P3H2: variants seen among roughly 807,000 people sequenced by gnomAD.
The protein encoded by P3H2 is prolyl 3-hydroxylase 2, also known as leprecan-like 1.
A neutral mutation model predicts 87.0 loss-of-function variants in P3H2; 80 were observed. That is an observed-to-expected ratio of 0.92 (90% CI 0.77 to 1.11). P3H2 has a LOEUF of 1.11. P3H2 is among the 50% of genes least tolerant of loss of function. The probability of loss-of-function intolerance (pLI) is 0.00; values close to 1 mark genes in which losing one functional copy is unlikely to be tolerated. For missense variants in P3H2, 1,001 were observed against 923.9 expected, an observed-to-expected ratio of 1.08 and a Z score of -1.08; for synonymous variants, 367 against 359.3, an observed-to-expected ratio of 1.02 and a Z score of -0.24.
At chr3:190,099,995 AG>A in intron 1 of P3H2, among the ~76,000 whole-genome samples, 1 of 152,172 alleles carries the variant, frequency 6.6e-6, no homozygotes, top group Non-Finnish European at 1.5e-5. Context: ...GCACTCTGGG[AG>A]GCCGAGGTGG....
chr3:190,009,788 A>C (rs1016747668), intron 1 of P3H2, among the ~76,000 whole-genome samples: 4 of 152,068 alleles, frequency 2.6e-5, no homozygotes, highest in African/African-American at 9.7e-5. Flanking sequence ...ATTTGGAAAC[A>C]CTCCCATGAG....
intron 1 of P3H2, among the ~76,000 whole-genome samples, chr3:190,005,231 A>G (rs116100745): frequency 1.5e-3 from 234 of 152,326 alleles, no homozygotes; most frequent in African/African-American, 5.6e-3. Flanking sequence ...TTGTTTTGTG[A>G]AATGACAAAG....
chr3:190,104,423 T>C (rs1422658111), intron 1 of P3H2, among the ~76,000 whole-genome samples: 2 of 152,062 alleles, frequency 1.3e-5, no homozygotes, highest in Non-Finnish European at 2.9e-5. Flanking sequence ...AGGGAAGAAC[T>C]TCAAAGAGGA....
chr3:189,972,940 A>T lies in P3H2; in HGVS notation c.1633T>A (p.Tyr545Asn). ...TACAGAGTTGAGTTCAGCATAAAAT[A>T]AGATTCTACAATCCTTCGAGCCTTT... ...SEKARRIVES[Y>N]FMLNSTLYFS... Residue 545 changes from tyrosine to asparagine, a missense_variant, in exon 11 of 15, where the codon TAT becomes AAT. Transcript: ENST00000319332. 6.2e-7 allele frequency: 1 copy of T among 1,614,136 alleles called. No individual in the cohort carries two copies. Among genetic ancestry groups the T allele is most frequent in the Non-Finnish European group, 8.5e-7 (1 of 1,179,986 alleles).
chr3:190,120,426 G>T lies in P3H2; in HGVS notation c.306C>A (p.Gly102=), dbSNP rs769231420. ...GGAAAAGGGGCAGCTCAGCGCCGGG[G>T]CCCTCGCCGGGGGGCGGGGGCGGGA... ...HPLPPPPPGE[G]PGAELPLFRS... The change falls in exon 1 of 15, where the codon GGC becomes GGA. Residue 102 remains glycine (G), a synonymous_variant. Transcript: ENST00000319332. The T allele has an allele frequency of 4.8e-6, 7 of 1,461,856 alleles. No homozygotes were observed. Among genetic ancestry groups the T allele is most frequent in the Non-Finnish European group, 6.3e-6 (7 of 1,114,902 alleles). The allele number at this position is 1,461,856 out of a possible 1,614,324, so 90.6% of individuals were successfully genotyped here.
chr3:189,988,156 T>C (rs1008468985), intron 4 of P3H2, among the ~76,000 whole-genome samples: 2 of 152,150 alleles, frequency 1.3e-5, no homozygotes, highest in Non-Finnish European at 2.9e-5. Flanking sequence ...CTTCATAGAG[T>C]CCCAGATGTT....
chr3:190,038,555 C>A (rs1725499367), intron 1 of P3H2, among the ~76,000 whole-genome samples: 1 of 148,366 alleles, frequency 6.7e-6, no homozygotes, highest in Admixed American at 6.7e-5. Flanking sequence ...AAAATAAAAG[C>A]TGATGACTTT....
chr3:190,058,612 C>G (rs1245934431), intron 1 of P3H2, among the ~76,000 whole-genome samples: 1 of 152,088 alleles, frequency 6.6e-6, no homozygotes. Context: ...GACTTAATTG[C>G]CTTGACAGCT....
intron 1 of P3H2, among the ~76,000 whole-genome samples, chr3:190,007,085 C>T (rs968033335): frequency 6.6e-6 from 1 of 152,070 alleles, no homozygotes; most frequent in African/African-American, 2.4e-5. Flanking sequence ...CACTTATTGG[C>T]AGGGAGAACT....
At chr3:190,098,151 T>C (rs947182223) in intron 1 of P3H2, among the ~76,000 whole-genome samples, 5 of 152,342 alleles carry the variant, frequency 3.3e-5, no homozygotes, top group Middle Eastern at 3.4e-3. Flanking sequence ...TATACATTTG[T>C]ATACACTACA....
chr3:189,959,584 A>G (rs1185190899), intron 14 of P3H2, among the ~76,000 whole-genome samples: 1 of 151,246 alleles, frequency 6.6e-6, no homozygotes, highest in Non-Finnish European at 1.5e-5. Context: ...TTATATTCCA[A>G]CTTCTTAACT....
At chr3:190,005,831 G>A (rs1268052989) in intron 1 of P3H2, among the ~76,000 whole-genome samples, 2 of 152,180 alleles carry the variant, frequency 1.3e-5, no homozygotes, top group Non-Finnish European at 2.9e-5. Flanking sequence ...GTCTCTGCAG[G>A]TATGTCACCC....
Position 189,984,565 on chromosome 3 carries a change from C to A in P3H2, c.1214G>T (p.Arg405Leu). The A allele has an allele frequency of 6.2e-7, 1 of 1,611,686 alleles. No individual in the cohort carries two copies. The change falls in exon 7 of 15, where the codon CGA becomes CTA. Residue 405 changes from arginine (R) to leucine (L), a missense_variant. Arg to Leu is a moderately radical substitution (Grantham distance 102, BLOSUM62 -2). Coordinates refer to ENST00000319332, the MANE Select transcript of P3H2 (RefSeq NM_018192.4). The part of the protein sequence containing the change: ...EPNYWIRYGG[R>L]QDENRVPSGV... ...ATGGACTTACCGATTCTCATCCTGT[C>A]GTCCTCCATATCTGATCCAATAATT...
In P3H2 at chr3:189,974,549, G is replaced by T. The variant is rs1317595120; in HGVS notation, c.1452+9C>A. 1 of 1,613,238 alleles carries T rather than the reference G, an allele frequency of 6.2e-7. No homozygotes were observed. The highest frequency in any genetic ancestry group is 1.1e-5 in the South Asian group (1 of 91,036). On this transcript the variant is annotated intron_variant, in intron 9 of 14. Transcript: ENST00000319332. ...CGCAGTGAGCTCCCCTCCTTCTCCGGATCCTCACACTGGCCACGCTGTGGA... is the reference window on the plus strand; with the variant it reads ...CGCAGTGAGCTCCCCTCCTTCTCCGTATCCTCACACTGGCCACGCTGTGGA...
Position 190,010,156 on chromosome 3 carries a change from A to G in P3H2, c.481-14714T>C, listed in dbSNP as rs561907421. Among the ~76,000 whole-genome samples, 5 of 152,306 alleles carry G rather than the reference A, an allele frequency of 3.3e-5. No homozygotes were observed. In the South Asian group the frequency reaches 1.0e-3, roughly 32 times the overall value. On this transcript the variant is annotated intron_variant, in intron 1 of 14. Transcript: ENST00000319332. ...AGAGTATTCTACCATTTAATTTACAAAGAATGTTAATATAAATAATCTTAA... is the reference window on the plus strand; with the variant it reads ...AGAGTATTCTACCATTTAATTTACAGAGAATGTTAATATAAATAATCTTAA...
intron 1 of P3H2, among the ~76,000 whole-genome samples, chr3:190,096,512 C>G (rs1172268164): frequency 6.6e-6 from 1 of 152,160 alleles, no homozygotes; most frequent in Non-Finnish European, 1.5e-5. Context: ...AATTACACCT[C>G]TTTTCTTCAT....
rs114723558 is a variant in P3H2 at position 190,070,651 on chromosome 3, T to C, written c.480+49601A>G. Among the ~76,000 whole-genome samples, 456 of 152,274 alleles carry C rather than the reference T, an allele frequency of 3.0e-3. 1 individual carries two copies. The highest frequency in any genetic ancestry group is 0.011 in the African/African-American group (439 of 41,558). ...ATTTTGACTATCTATATGTAGCCAATTCCCCTTCTCACATTAAAGTTCTTA... is the reference window on the plus strand; with the variant it reads ...ATTTTGACTATCTATATGTAGCCAACTCCCCTTCTCACATTAAAGTTCTTA... On this transcript the variant is annotated intron_variant, in intron 1 of 14. Transcript: ENST00000319332.
intron 1 of P3H2, among the ~76,000 whole-genome samples, chr3:190,017,595 C>A (rs1365678269): frequency 6.6e-6 from 1 of 152,154 alleles, no homozygotes; most frequent in East Asian, 1.9e-4. Flanking sequence ...GCACATTCAC[C>A]ACCAGCAGTA....
chr3:189,985,628 T>G (rs1308943153), intron 6 of P3H2, among the ~76,000 whole-genome samples: 2 of 149,704 alleles, frequency 1.3e-5, no homozygotes, highest in East Asian at 3.9e-4. Context: ...AAATTAATAA[T>G]AAATAATTTC....
Sources: gnomAD v4.1 joint callset for allele counts (sites outside exome capture counted in the v4.1 genomes callset) on GRCh38, gnomAD v4.1.1 for gene constraint, MANE v1.5 for transcripts, NCBI Gene and HGNC (gene_info 2026-07-23, HGNC 2026-07-21) for gene names.